CSMD1: variants seen among roughly 807,000 people sequenced by gnomAD.
CSMD1 encodes the protein CUB and sushi domain-containing protein 1.
Under a neutral mutation model 417.5 loss-of-function variants are expected in CSMD1, and 213 were observed. The observed-to-expected ratio is 0.51, with a 90% CI of 0.46 to 0.57. CSMD1 has a LOEUF of 0.57. Ranked by LOEUF, CSMD1 falls within the 20% of genes least tolerant of loss-of-function variation. The probability of loss-of-function intolerance (pLI) is 0.00; values close to 1 mark genes in which losing one functional copy is unlikely to be tolerated. For synonymous variants in CSMD1, 2,862 were observed against 1,736.8 expected (o/e 1.65, Z -16.11); for missense variants, 6,923 against 4,529.7 (o/e 1.53, Z -15.17).
intron 10 of CSMD1, among the ~76,000 whole-genome samples, chr8:3,558,572 C>CCTCAATGGTACCCCGTGTCCACTCCTGA (rs1799307792): frequency 6.9e-6 from 1 of 145,904 alleles, no homozygotes; most frequent in Non-Finnish European, 1.5e-5. Context: ...TCCACTCCTG[C>CCTCAATGGTACCCCGTGTCCACTCCTGA]AATGATGAAT....
At chr8:4,610,055 T>A (rs1801082551) in intron 2 of CSMD1, among the ~76,000 whole-genome samples, 1 of 152,148 alleles carries the variant, frequency 6.6e-6, no homozygotes, top group South Asian at 2.1e-4. Context: ...TAGATATCAT[T>A]TCATCCAAAT....
At chr8:4,790,250 A>G (rs1161848533) in intron 1 of CSMD1, among the ~76,000 whole-genome samples, 1 of 152,150 alleles carries the variant, frequency 6.6e-6, no homozygotes, top group Non-Finnish European at 1.5e-5. Context: ...AAAAGAATAA[A>G]ATAACTAGGA....
At chr8:4,722,646 G>A (rs570073096) in intron 1 of CSMD1, among the ~76,000 whole-genome samples, 22 of 152,064 alleles carry the variant, frequency 1.4e-4, no homozygotes, top group Non-Finnish European at 2.9e-4. Context: ...AATAGTCTCA[G>A]CATCTCATTA....
intron 3 of CSMD1, among the ~76,000 whole-genome samples, chr8:4,041,112 G>T (rs551595656): frequency 3.3e-5 from 5 of 149,702 alleles, no homozygotes; most frequent in South Asian, 2.1e-4. Context: ...CGCCTCCCGG[G>T]TTCCCGCCAT....
chr8:4,858,046 C>T (rs1393002178), intron 1 of CSMD1, among the ~76,000 whole-genome samples: 1 of 152,112 alleles, frequency 6.6e-6, no homozygotes, highest in Non-Finnish European at 1.5e-5. Context: ...TGCAGCAGCA[C>T]ATCAAAAAGC....
chr8:4,871,334 C>T (rs1022174672), intron 1 of CSMD1, among the ~76,000 whole-genome samples: 7 of 152,104 alleles, frequency 4.6e-5, no homozygotes, highest in Admixed American at 1.3e-4. Context: ...TTTTCTGATG[C>T]TTCCAGCTAT....
chr8:4,172,337 T>A, intron 3 of CSMD1, among the ~76,000 whole-genome samples: 1 of 152,054 alleles, frequency 6.6e-6, no homozygotes, highest in South Asian at 2.1e-4. Flanking sequence ...CTAGTGTCAT[T>A]GAGAAAATAA....
At chr8:3,341,253 G>C (rs1309938521) in intron 23 of CSMD1, among the ~76,000 whole-genome samples, 1 of 152,132 alleles carries the variant, frequency 6.6e-6, no homozygotes, top group African/African-American at 2.4e-5. Flanking sequence ...CGGTCACACG[G>C]CTCTGGAGCA....
chr8:3,438,545 G>C (rs552479757), intron 12 of CSMD1, among the ~76,000 whole-genome samples: 3 of 152,272 alleles, frequency 2.0e-5, no homozygotes, highest in South Asian at 4.2e-4. Context: ...ACCACTCTCT[G>C]GAGAGTCATC....
chr8:4,174,501 G>C (rs561394337), intron 3 of CSMD1, among the ~76,000 whole-genome samples: 1 of 151,148 alleles, frequency 6.6e-6, no homozygotes, highest in East Asian at 2.0e-4. Context: ...GAGAAACTAT[G>C]GGTATATATA....
chr8:3,652,314 C>A (rs1797897524), intron 7 of CSMD1, among the ~76,000 whole-genome samples: 1 of 152,022 alleles, frequency 6.6e-6, no homozygotes, highest in African/African-American at 2.4e-5. Flanking sequence ...GCTTAACCAC[C>A]ATCGGAGTGC....
intron 1 of CSMD1, among the ~76,000 whole-genome samples, chr8:4,738,061 A>G (rs1163548768): frequency 6.6e-6 from 1 of 152,210 alleles, no homozygotes; most frequent in East Asian, 1.9e-4. Context: ...AGTAAAAACA[A>G]AGATAAGATT....
At chr8:3,956,346 G>C (rs1050166319) in intron 5 of CSMD1, among the ~76,000 whole-genome samples, 3 of 152,148 alleles carry the variant, frequency 2.0e-5, no homozygotes, top group East Asian at 1.9e-4. Context: ...CAAGATGTTA[G>C]TCAGTTGCCT....
At chr8:3,688,122 CG>C (rs1399873959) in intron 7 of CSMD1, among the ~76,000 whole-genome samples, 1 of 152,150 alleles carries the variant, frequency 6.6e-6, no homozygotes. Flanking sequence ...TTATCTGCTT[CG>C]AAGTAATTGC....
intron 26 of CSMD1, among the ~76,000 whole-genome samples, chr8:3,281,085 T>C (rs1194728272): frequency 2.6e-5 from 4 of 152,146 alleles, no homozygotes; most frequent in Non-Finnish European, 5.9e-5. Flanking sequence ...ACACAGATGT[T>C]TAGAGGCAGC....
intron 3 of CSMD1, among the ~76,000 whole-genome samples, chr8:4,155,343 C>A (rs189553229): frequency 1.3e-5 from 2 of 152,108 alleles, no homozygotes; most frequent in African/African-American, 4.8e-5. Context: ...GCATGACTCC[C>A]GCAGGGTAAA....
chr8:4,319,840 G>A (rs968545811), intron 3 of CSMD1, among the ~76,000 whole-genome samples: 1 of 152,032 alleles, frequency 6.6e-6, no homozygotes, highest in Non-Finnish European at 1.5e-5. Flanking sequence ...TCAGCTGAGA[G>A]CTCACCTGTA....
chr8:3,363,620 C>T (rs146477500), intron 20 of CSMD1, among the ~76,000 whole-genome samples: 1,583 of 152,168 alleles, frequency 0.01, 26 homozygotes, highest in African/African-American at 0.036. Context: ...CTCCGCTTCC[C>T]GGGTTCACTC....
intron 3 of CSMD1, among the ~76,000 whole-genome samples, chr8:4,246,820 G>T (rs190836287): frequency 1.3e-5 from 2 of 152,114 alleles, no homozygotes; most frequent in African/African-American, 2.4e-5. Flanking sequence ...CATTTGACTT[G>T]TAAATAAATG....
Sources: allele counts gnomAD v4.1 joint callset (sites outside exome capture counted in the v4.1 genomes callset), GRCh38; gene constraint gnomAD v4.1.1; transcripts MANE v1.5; gene names NCBI Gene and HGNC (gene_info 2026-07-23, HGNC 2026-07-21).